Variants in ATP9B observed in about 807,000 individuals in gnomAD.
The protein encoded by ATP9B is probable phospholipid-transporting ATPase IIB.
Under a neutral mutation model 146.1 loss-of-function variants are expected in ATP9B, and 110 were observed. The observed-to-expected ratio is 0.75, with a 90% confidence interval of 0.65 to 0.88. The LOEUF is 0.88. ATP9B is among the 40% of genes least tolerant of loss of function. The pLI, the probability that ATP9B is intolerant of heterozygous loss-of-function variation, is 0.00. For missense variants in ATP9B, 1,499 were observed against 1,496.4 expected, an observed-to-expected ratio of 1.00 and a Z score of -0.03; for synonymous variants, 604 against 569.7, an observed-to-expected ratio of 1.06 and a Z score of -0.86.
In ATP9B at chr18:79,290,561, T is replaced by G. The variant is rs368012670; in HGVS notation, c.1412-13043T>G. The stretch of plus-strand genomic sequence containing the variant: ...GGAAAGGGAACTCCCTGACCCTTGC[T>G]CTTCCCGAGTGAGGCAATGCCTCGC... On this transcript the variant is annotated intron_variant, in intron 13 of 29. Transcript: ENST00000426216. 9.0e-3 allele frequency among the ~76,000 whole-genome samples: 1,365 copies of G among 152,342 alleles called. 7 individuals are homozygous for G. The highest frequency in any genetic ancestry group is 0.023 in the African/African-American group (964 of 41,584).
intron 1 of ATP9B, among the ~76,000 whole-genome samples, chr18:79,083,687 C>T (rs781483174): frequency 6.6e-5 from 10 of 152,220 alleles, no homozygotes; most frequent in Middle Eastern, 3.4e-3. Context: ...CTTGTGCTTC[C>T]CGGGTGAGGC....
intron 11 of ATP9B, among the ~76,000 whole-genome samples, chr18:79,248,895 G>A (rs1488240102): frequency 6.6e-6 from 1 of 152,192 alleles, no homozygotes; most frequent in East Asian, 1.9e-4. Context: ...GTGTTGCACA[G>A]GCACTTTGTT....
chr18:79,288,387 T>C, intron 13 of ATP9B, among the ~76,000 whole-genome samples: 1 of 152,230 alleles, frequency 6.6e-6, no homozygotes, highest in East Asian at 1.9e-4. Context: ...TTGTCTCTTT[T>C]GATCTTCGTT....
intron 20 of ATP9B, 68 bp from the exon 21 acceptor site, chr18:79,344,197 C>T: frequency 2.2e-6 from 3 of 1,366,450 alleles, no homozygotes; most frequent in Non-Finnish European, 3.1e-6. Flanking sequence ...GCAAATAATG[C>T]CCTGTTTCTC....
Position 79,235,495 on chromosome 18 carries a change from C to T in ATP9B, c.1108-17886C>T, listed in dbSNP as rs559283282. On this transcript the variant is annotated intron_variant, in intron 11 of 29. Transcript: ENST00000426216. ...TCAGTATTTGAATTTTGCGTAATAA[C>T]AATTATAATACTTGTTTTCTGTGAC... Among the ~76,000 whole-genome samples, 40 of 151,966 alleles carry T rather than the reference C, an allele frequency of 2.6e-4. 1 individual carries two copies. In the South Asian group the frequency reaches 7.7e-3, roughly 29 times the overall value.
chr18:79,162,408 A>G (rs1278215584), intron 7 of ATP9B, among the ~76,000 whole-genome samples: 1 of 152,256 alleles, frequency 6.6e-6, no homozygotes, highest in Non-Finnish European at 1.5e-5. Flanking sequence ...CAGATCAAAT[A>G]TCTCCAGAGT....
At chr18:79,088,537 G>A (rs1455672738) in intron 1 of ATP9B, among the ~76,000 whole-genome samples, 8 of 152,132 alleles carry the variant, frequency 5.3e-5, no homozygotes, top group African/African-American at 1.7e-4. Context: ...TGATGCTGTC[G>A]ATAGTGGTTG....
intron 27 of ATP9B, among the ~76,000 whole-genome samples, chr18:79,373,489 G>C (rs981950232): frequency 1.5e-5 from 2 of 129,162 alleles, no homozygotes; most frequent in Non-Finnish European, 3.2e-5. Flanking sequence ...GCCATTATCC[G>C]CCTTTTTTTT....
At chr18:79,091,895 T>C (rs2074351705) in intron 1 of ATP9B, among the ~76,000 whole-genome samples, 1 of 152,196 alleles carries the variant, frequency 6.6e-6, no homozygotes, top group Admixed American at 6.5e-5. Context: ...TTTCCACTTG[T>C]ATTGGTTTTG....
chr18:79,214,628 T>C (rs1417422147), intron 11 of ATP9B, among the ~76,000 whole-genome samples: 1 of 152,240 alleles, frequency 6.6e-6, no homozygotes, highest in Admixed American at 6.5e-5. Flanking sequence ...CATGATACCA[T>C]ATGTGAGATG....
At chr18:79,263,438 A>G (rs954500465) in intron 12 of ATP9B, among the ~76,000 whole-genome samples, 2 of 152,254 alleles carry the variant, frequency 1.3e-5, no homozygotes, top group Non-Finnish European at 2.9e-5. Context: ...GACTTGACTT[A>G]CTAAAAAGAG....
rs188314697 is a variant in ATP9B at position 79,176,191 on chromosome 18, G to A, written c.779-622G>A. 1.2e-3 allele frequency among the ~76,000 whole-genome samples: 190 copies of A among 152,310 alleles called. 2 individuals are homozygous for A. The highest frequency in any genetic ancestry group is 6.8e-3 in the Middle Eastern group (2 of 294). ...GTTATTATAAATAATGCTGCAAGGA[G>A]CAGCCTTGTGTGTATGTCATTTTGT... On this transcript the variant is annotated intron_variant, in intron 7 of 29. Coordinates refer to ENST00000426216, the MANE Select transcript of ATP9B (RefSeq NM_198531.5).
chr18:79,112,459 A>G (rs573920958), intron 3 of ATP9B, among the ~76,000 whole-genome samples: 4 of 152,222 alleles, frequency 2.6e-5, no homozygotes, highest in Non-Finnish European at 5.9e-5. Context: ...AACCAAAACC[A>G]AAACCTTTCA....
intron 13 of ATP9B, among the ~76,000 whole-genome samples, chr18:79,283,232 G>A (rs1021653182): frequency 2.0e-5 from 3 of 152,218 alleles, no homozygotes; most frequent in Non-Finnish European, 4.4e-5. Context: ...TCACAGCAGA[G>A]GTTCTGTAAC....
chr18:79,309,544 A>G (rs373645511), intron 15 of ATP9B, among the ~76,000 whole-genome samples: 8 of 124,168 alleles, frequency 6.4e-5, no homozygotes, highest in African/African-American at 9.0e-5. Context: ...GGGGTGGTGG[A>G]GTGATCCCCA....
At chr18:79,162,391 C>T (rs1012748484) in intron 7 of ATP9B, among the ~76,000 whole-genome samples, 51 of 152,318 alleles carry the variant, frequency 3.3e-4, no homozygotes, top group African/African-American at 1.2e-3. Flanking sequence ...TCATCACTTT[C>T]TTAATTCAGA....
chr18:79,139,988 G>T (rs943009530), intron 5 of ATP9B, among the ~76,000 whole-genome samples: 5 of 152,120 alleles, frequency 3.3e-5, no homozygotes, highest in Non-Finnish European at 4.4e-5. Context: ...AAATTTAGTG[G>T]ATACTCAGAT....
At chr18:79,217,614 A>G (rs2095640015) in intron 11 of ATP9B, among the ~76,000 whole-genome samples, 7 of 152,266 alleles carry the variant, frequency 4.6e-5, no homozygotes. Context: ...AGCAAGCTAC[A>G]CTGGGCGAAA....
chr18:79,266,726 G>T (rs2096207674), intron 12 of ATP9B, among the ~76,000 whole-genome samples: 1 of 152,034 alleles, frequency 6.6e-6, no homozygotes, highest in South Asian at 2.1e-4. Flanking sequence ...CTTCTTTAAT[G>T]TATTAACACG....
Sources: gnomAD v4.1 joint callset for allele counts (sites outside exome capture counted in the v4.1 genomes callset) on GRCh38, gnomAD v4.1.1 for gene constraint, MANE v1.5 for transcripts, NCBI Gene and HGNC (gene_info 2026-07-23, HGNC 2026-07-21) for gene names.